RIPOR2: variants seen among roughly 807,000 people sequenced by gnomAD.
RIPOR2 encodes rho family-interacting cell polarization regulator 2.
In RIPOR2, 39 loss-of-function variants were observed where a neutral mutation model predicts 114.5. That is an observed-to-expected ratio of 0.34 (90% CI 0.26 to 0.44). RIPOR2 has a LOEUF of 0.44. Ranked by LOEUF, RIPOR2 falls within the 20% of genes least tolerant of loss-of-function variation. RIPOR2 has a pLI of 1.00. For missense variants in RIPOR2, 1,007 were observed against 1,255.1 expected, an observed-to-expected ratio of 0.80 and a Z score of 2.99; for synonymous variants, 445 against 484.4, an observed-to-expected ratio of 0.92 and a Z score of 1.07.
At chr6:25,003,702 A>G (rs1261942168) in intron 1 of RIPOR2, among the ~76,000 whole-genome samples, 8 of 152,182 alleles carry the variant, frequency 5.3e-5, no homozygotes, top group African/African-American at 1.9e-4. Context: ...AAGTGCTGGC[A>G]TTACAAACAT....
At chr6:24,998,156 C>T (rs1415429035) in intron 1 of RIPOR2, among the ~76,000 whole-genome samples, 1 of 152,082 alleles carries the variant, frequency 6.6e-6, no homozygotes, top group African/African-American at 2.4e-5. Flanking sequence ...TCTCCTTTTC[C>T]CCTTAACTTC....
In RIPOR2 at chr6:25,037,651, A is replaced by AT. The variant is rs1777307639; in HGVS notation, c.76+4199dup. On this transcript the variant is annotated intron_variant, in intron 1 of 13. Coordinates refer to the RIPOR2 transcript ENST00000510784. The surrounding 1 kb of genome is among the most constrained non-coding windows in gnomAD (Gnocchi z 4.5). ...ATACCTTGGTTTGATTATTATTATTATTTTTTTACTACACTGCTATGGACT... is the reference window on the plus strand; with the variant it reads ...ATACCTTGGTTTGATTATTATTATTATTTTTTTTACTACACTGCTATGGACT... 6.6e-6 allele frequency among the ~76,000 whole-genome samples: 1 copy of AT among 152,090 alleles called. No individual in the cohort carries two copies. The highest frequency in any genetic ancestry group is 1.5e-5 in the Non-Finnish European group (1 of 68,012).
intron 1 of RIPOR2, among the ~76,000 whole-genome samples, chr6:24,887,826 G>A (rs898551589): frequency 1.3e-5 from 2 of 152,132 alleles, no homozygotes; most frequent in Non-Finnish European, 2.9e-5. Context: ...TCCTTTTCTG[G>A]TGGATTAAAT....
In RIPOR2 at chr6:24,843,093, G is replaced by A; in HGVS notation, c.1626C>T (p.Ile542=). The part of the protein sequence containing the change: ...PVELDTSEGN[I]TKQLVKRLTS... ...TGAGCCTCTTGACCAGCTGCTTTGT[G>A]ATGTTTCCTTCCGAAGTGTCCAGTT... The change falls in exon 13 of 22, where the codon ATC becomes ATT. Residue 542 remains isoleucine, a synonymous_variant. Transcript: ENST00000643898. The A allele has an allele frequency of 6.2e-7, 1 of 1,613,990 alleles. No individual in the cohort carries two copies. The highest frequency in any genetic ancestry group is 8.5e-7 in the Non-Finnish European group (1 of 1,179,878).
chr6:24,878,521 A>C (rs1766029338), intron 1 of RIPOR2, among the ~76,000 whole-genome samples: 1 of 152,226 alleles, frequency 6.6e-6, no homozygotes, highest in Non-Finnish European at 1.5e-5. Context: ...AGAGTATTCG[A>C]AATATTTAAC....
intron 15 of RIPOR2, among the ~76,000 whole-genome samples, chr6:24,834,038 G>A (rs914745014): frequency 2.0e-5 from 3 of 151,922 alleles, no homozygotes; most frequent in East Asian, 1.9e-4. Context: ...TGGTTGGTGA[G>A]TAGAAAATAG....
intron 1 of RIPOR2, among the ~76,000 whole-genome samples, chr6:24,998,062 G>C (rs1052303911): frequency 6.6e-6 from 1 of 152,098 alleles, no homozygotes; most frequent in African/African-American, 2.4e-5. Flanking sequence ...GGTGGGGAGG[G>C]TATTCCAGGT....
chr6:24,912,677 G>A (rs951666820), intron 1 of RIPOR2, among the ~76,000 whole-genome samples: 34 of 152,218 alleles, frequency 2.2e-4, no homozygotes, highest in African/African-American at 7.2e-4. Context: ...GCGCTACTAC[G>A]GATTAGCACA....
At chr6:25,021,415 A>G (rs1281886198) in intron 1 of RIPOR2, among the ~76,000 whole-genome samples, 1 of 152,236 alleles carries the variant, frequency 6.6e-6, no homozygotes, top group African/African-American at 2.4e-5. Context: ...ATGAGTGGAT[A>G]AAGAAATTGT....
intron 1 of RIPOR2, among the ~76,000 whole-genome samples, chr6:24,984,091 G>A (rs1774427454): frequency 6.6e-6 from 1 of 152,158 alleles, no homozygotes; most frequent in South Asian, 2.1e-4. Context: ...TGACACCTCG[G>A]AGCACCAGGT....
chr6:24,862,808 C>T (rs1364650792), intron 7 of RIPOR2, among the ~76,000 whole-genome samples: 1 of 150,738 alleles, frequency 6.6e-6, no homozygotes, highest in Non-Finnish European at 1.5e-5. Context: ...ACTGGCACCC[C>T]CCCACCACCC....
chr6:24,935,174 G>A (rs1771677797), intron 1 of RIPOR2, among the ~76,000 whole-genome samples: 1 of 152,062 alleles, frequency 6.6e-6, no homozygotes, highest in African/African-American at 2.4e-5. Flanking sequence ...TGGGCATGGT[G>A]GTGGGCGCCT....
intron 1 of RIPOR2, among the ~76,000 whole-genome samples, chr6:25,030,506 ATACTT>A (rs1371779687): frequency 4.6e-5 from 7 of 152,214 alleles, no homozygotes; most frequent in African/African-American, 1.4e-4. Context: ...GCAAATAACT[ATACTT>A]TATAAGAATA....
intron 1 of RIPOR2, among the ~76,000 whole-genome samples, chr6:24,900,712 C>G (rs1431379498): frequency 6.6e-6 from 1 of 152,176 alleles, no homozygotes; most frequent in Non-Finnish European, 1.5e-5. Context: ...GAGCTGTGAT[C>G]TGGCCGCCGC....
In RIPOR2 at chr6:24,976,676, G is replaced by A. The variant is rs1774065871; in HGVS notation, c.76+65175C>T. ...ATTATTCCAGGGTTTATGTGTCAGGGTGGTGACTTCACACGCCATAATGGC... is the reference window on the plus strand; with the variant it reads ...ATTATTCCAGGGTTTATGTGTCAGGATGGTGACTTCACACGCCATAATGGC... On this transcript the variant is annotated intron_variant, in intron 1 of 13. Coordinates refer to the RIPOR2 transcript ENST00000510784. 3.7e-6 allele frequency: 6 copies of A among 1,607,720 alleles called. No homozygotes were observed. In the Admixed American group the frequency reaches 8.3e-5, roughly 22 times the overall value.
chr6:25,014,513 T>C (rs1775891843), intron 1 of RIPOR2, among the ~76,000 whole-genome samples: 1 of 152,238 alleles, frequency 6.6e-6, no homozygotes, highest in Non-Finnish European at 1.5e-5. Context: ...TGCACATGAT[T>C]CTGGAAACAG....
At chr6:24,836,880 TATA>T (rs1761163154) in intron 14 of RIPOR2, among the ~76,000 whole-genome samples, 1 of 152,106 alleles carries the variant, frequency 6.6e-6, no homozygotes, top group Non-Finnish European at 1.5e-5. Context: ...TCTGATGACA[TATA>T]ATAAGATTGA....
At chr6:24,870,591 C>G (rs756523077) in intron 5 of RIPOR2, among the ~76,000 whole-genome samples, 1 of 152,194 alleles carries the variant, frequency 6.6e-6, no homozygotes, top group South Asian at 2.1e-4. Context: ...ACTGCTGCCT[C>G]GACCTCCTGG....
At chr6:24,856,721 C>G (rs1459691527) in intron 8 of RIPOR2, among the ~76,000 whole-genome samples, 1 of 152,184 alleles carries the variant, frequency 6.6e-6, no homozygotes, top group East Asian at 1.9e-4. Context: ...TGCCACTGCA[C>G]TGCAGCCTGG....
Sources: gnomAD v4.1 joint callset for allele counts (sites outside exome capture counted in the v4.1 genomes callset) on GRCh38, gnomAD v4.1.1 for gene constraint, Gnocchi (gnomAD v3.1) non-coding constraint, MANE v1.5 for transcripts, NCBI Gene and HGNC (gene_info 2026-07-23, HGNC 2026-07-21) for gene names.